The following UBE2E2 variants were observed in gnomAD, a reference collection of about 807,000 sequenced individuals.
UBE2E2 encodes ubiquitin conjugating enzyme E2 E2, also known as ubiquitin-conjugating enzyme E2 E2.
A neutral mutation model predicts 24.7 loss-of-function variants in UBE2E2; 6 were observed. That is an observed-to-expected ratio of 0.24 (90% CI 0.13 to 0.48). The LOEUF (loss-of-function observed/expected upper bound fraction) is 0.48. Ranked by LOEUF, UBE2E2 falls within the 20% of genes least tolerant of loss-of-function variation. UBE2E2 has a pLI of 0.99. For synonymous variants in UBE2E2, 104 were observed against 83.6 expected, an observed-to-expected ratio of 1.24 and a Z score of -1.33; for missense variants, 169 against 245.0, an observed-to-expected ratio of 0.69 and a Z score of 2.07.
chr3:23,278,780 G>A (rs896847716), intron 3 of UBE2E2, among the ~76,000 whole-genome samples: 17 of 152,072 alleles, frequency 1.1e-4, no homozygotes, highest in African/African-American at 4.1e-4. Context: ...ATAATAAAAA[G>A]AATTGATTCA....
chr3:23,248,660 TGA>T (rs1266932091), intron 3 of UBE2E2, among the ~76,000 whole-genome samples: 4 of 152,210 alleles, frequency 2.6e-5, no homozygotes, highest in African/African-American at 7.2e-5. Flanking sequence ...AGAGTGCAAG[TGA>T]GAGTCATTCA....
intron 3 of UBE2E2, among the ~76,000 whole-genome samples, chr3:23,312,680 T>C (rs1449617223): frequency 6.6e-6 from 1 of 152,192 alleles, no homozygotes; most frequent in Non-Finnish European, 1.5e-5. Flanking sequence ...TTTGGTTTGC[T>C]CTTGCTTTCC....
At chr3:23,258,414 G>C (rs551849580) in intron 3 of UBE2E2, among the ~76,000 whole-genome samples, 6 of 152,046 alleles carry the variant, frequency 3.9e-5, no homozygotes, top group African/African-American at 7.2e-5. Flanking sequence ...TCGTATCAAC[G>C]GACTTTAGTA....
At chr3:23,532,802 C>A in intron 5 of UBE2E2, 101 bp downstream of exon 5, 2 of 1,057,416 alleles carry the variant, frequency 1.9e-6, no homozygotes, top group Non-Finnish European at 2.6e-6. Context: ...ACCACCACTG[C>A]TTCTACTACT....
chr3:23,528,081 T>C (rs1355977353), intron 4 of UBE2E2, among the ~76,000 whole-genome samples: 3 of 152,218 alleles, frequency 2.0e-5, no homozygotes, highest in Admixed American at 2.0e-4. Flanking sequence ...CTGTAGGTTC[T>C]GACTCTAAAT....
intron 3 of UBE2E2, among the ~76,000 whole-genome samples, chr3:23,460,425 T>A (rs73140514): frequency 0.041 from 6,236 of 152,216 alleles, 454 homozygotes; most frequent in African/African-American, 0.14. Context: ...TTTCCTCATA[T>A]GTAAAATGGA....
At chr3:23,377,547 C>T (rs1445050844) in intron 3 of UBE2E2, among the ~76,000 whole-genome samples, 1 of 152,154 alleles carries the variant, frequency 6.6e-6, no homozygotes, top group Non-Finnish European at 1.5e-5. Flanking sequence ...AGTCAGTGGT[C>T]TGCTTATCTA....
At chr3:23,569,234 T>C (rs534173797) in intron 5 of UBE2E2, among the ~76,000 whole-genome samples, 1 of 152,310 alleles carries the variant, frequency 6.6e-6, no homozygotes, top group South Asian at 2.1e-4. Flanking sequence ...AGAGACTACA[T>C]ATTATTCCAT....
intron 3 of UBE2E2, among the ~76,000 whole-genome samples, chr3:23,430,459 C>T (rs1310913038): frequency 6.6e-6 from 1 of 151,554 alleles, no homozygotes; most frequent in African/African-American, 2.4e-5. Context: ...TAGAACAGTA[C>T]CTGGCCCACA....
At chr3:23,265,588 A>G (rs1272353108) in intron 3 of UBE2E2, among the ~76,000 whole-genome samples, 1 of 152,216 alleles carries the variant, frequency 6.6e-6, no homozygotes, top group Non-Finnish European at 1.5e-5. Context: ...CCTCCAGTGC[A>G]TAGGCTCACT....
intron 3 of UBE2E2, among the ~76,000 whole-genome samples, chr3:23,409,653 CA>C (rs1363987434): frequency 1.3e-5 from 2 of 152,120 alleles, no homozygotes; most frequent in African/African-American, 4.8e-5. Context: ...CCTGCTGTAA[CA>C]AATTACACAA....
At chr3:23,514,923 G>C (rs1380305075) in intron 4 of UBE2E2, among the ~76,000 whole-genome samples, 1 of 152,136 alleles carries the variant, frequency 6.6e-6, no homozygotes, top group Non-Finnish European at 1.5e-5. Flanking sequence ...TTCAGTTTCA[G>C]TATTGGGTCA....
intron 3 of UBE2E2, among the ~76,000 whole-genome samples, chr3:23,240,574 A>G (rs530234831): frequency 1.1e-4 from 17 of 152,326 alleles, no homozygotes; most frequent in Admixed American, 9.8e-4. Context: ...CACACTGTTT[A>G]TGCCATTATG....
rs528735341 is a variant in UBE2E2 at position 23,328,384 on chromosome 3, G to A, written c.227+111072G>A. Among the ~76,000 whole-genome samples the A allele has an allele frequency of 2.6e-5, 4 of 152,200 alleles. No homozygotes were observed. The South Asian group carries it at 6.2e-4, about 24-fold the overall frequency. ...TCAGTAGAAAATGTACTTCAGTGTG[G>A]TATTCAGTGAGTTACAGGAAATGTT... On this transcript the variant is annotated intron_variant, in intron 3 of 5. Coordinates refer to ENST00000396703, the MANE Select transcript of UBE2E2 (RefSeq NM_152653.4).
intron 4 of UBE2E2, among the ~76,000 whole-genome samples, chr3:23,529,438 A>G (rs1695071198): frequency 6.6e-6 from 1 of 152,160 alleles, no homozygotes; most frequent in Non-Finnish European, 1.5e-5. Flanking sequence ...ACATGAATCT[A>G]CAATTATCCC....
intron 3 of UBE2E2, among the ~76,000 whole-genome samples, chr3:23,332,474 AATAAAG>A (rs1200109387): frequency 6.6e-6 from 1 of 152,218 alleles, no homozygotes; most frequent in Non-Finnish European, 1.5e-5. Flanking sequence ...CAATTATTAA[AATAAAG>A]ATAAATCACT....
chr3:23,277,644 A>G (rs972211692), intron 3 of UBE2E2, among the ~76,000 whole-genome samples: 1 of 152,104 alleles, frequency 6.6e-6, no homozygotes, highest in Admixed American at 6.5e-5. Context: ...GGGGGCTATA[A>G]ATTAATTTTA....
chr3:23,501,449 A>G (rs2125457112), intron 4 of UBE2E2, among the ~76,000 whole-genome samples: 1 of 152,304 alleles, frequency 6.6e-6, no homozygotes, highest in South Asian at 2.1e-4. Context: ...CCTGTCACAG[A>G]GGAGGAAACA....
At chr3:23,544,587 T>C (rs1279049141) in intron 5 of UBE2E2, among the ~76,000 whole-genome samples, 1 of 152,180 alleles carries the variant, frequency 6.6e-6, no homozygotes, top group African/African-American at 2.4e-5. Flanking sequence ...GGAATGCTTG[T>C]ACACTGCTGG....
Sources: gnomAD v4.1 joint callset for allele counts (sites outside exome capture counted in the v4.1 genomes callset) on GRCh38, gnomAD v4.1.1 for gene constraint, MANE v1.5 for transcripts, NCBI Gene and HGNC (gene_info 2026-07-23, HGNC 2026-07-21) for gene names.